RIN2: variants seen among roughly 807,000 people sequenced by gnomAD.
The protein encoded by RIN2 is RAB5 interacting protein 2.
RIN2 carries 36 observed loss-of-function variants against 78.0 expected under a neutral mutation model. That is an observed-to-expected ratio of 0.46 (90% CI 0.35 to 0.61). RIN2 has a LOEUF of 0.61. Among genes scored for constraint, RIN2 ranks in the 20% least tolerant of loss-of-function variants. RIN2 has a pLI of 0.00. For synonymous variants in RIN2, 466 were observed against 466.8 expected, an observed-to-expected ratio of 1.00 and a Z score of 0.02; for missense variants, 1,087 against 1,159.7, an observed-to-expected ratio of 0.94 and a Z score of 0.91.
intron 1 of RIN2, among the ~76,000 whole-genome samples, chr20:19,759,307 T>C (rs1312465319): frequency 3.3e-5 from 5 of 152,142 alleles, no homozygotes; most frequent in African/African-American, 9.7e-5. Context: ...TTTGGGCACA[T>C]TGGGGTTTCT....
Position 19,933,701 on chromosome 20 carries a change from T to C in RIN2, c.58-1398T>C, listed in dbSNP as rs562008260. ...CGCAAGTGAAGTTTCCCTCCCAGAG[T>C]CTGGGTGGGATAAAAGCTACCTGAG... is the stretch of plus-strand genomic sequence containing the variant. On this transcript the variant is annotated intron_variant, in intron 3 of 12. Coordinates refer to ENST00000255006, the MANE Select transcript of RIN2 (RefSeq NM_018993.4). Among the ~76,000 whole-genome samples the C allele has an allele frequency of 1.4e-4, 22 of 152,248 alleles. No individual in the cohort carries two copies. The East Asian group carries it at 4.2e-3, about 29-fold the overall frequency.
At position 19,889,098 on chromosome 20, in the gene RIN2, A is replaced by T. The variant is rs144021421; in HGVS notation, c.-36-468A>T. ...ATTTCTTCCCAGTGCCCTTCTGTTG[A>T]CCTTGCCTGGGGGAGAGGCCAGCAG... is the stretch of plus-strand genomic sequence containing the variant. On this transcript the variant is annotated intron_variant, in intron 2 of 12. Transcript: ENST00000255006. 840 of 984,696 alleles carry T rather than the reference A, an allele frequency of 8.5e-4. 9 individuals are homozygous for T. In the African/African-American group the frequency reaches 0.014, roughly 16 times the overall value. 61.0% of individuals were successfully genotyped at this position (984,696 alleles called of 1,614,324 possible).
intron 2 of RIN2, among the ~76,000 whole-genome samples, chr20:19,844,674 T>TTCCTCTTCC (rs2036712116): frequency 7.5e-5 from 5 of 67,048 alleles, no homozygotes; most frequent in African/African-American, 3.2e-4. Flanking sequence ...TTCTTCCTTC[T>TTCCTCTTCC]TCTTCTTCTT....
At chr20:19,971,039 T>A in intron 8 of RIN2, 110 bp downstream of exon 8, 2 of 789,962 alleles carry the variant, frequency 2.5e-6, no homozygotes, top group Admixed American at 2.4e-5. Context: ...AGCTTCTCCA[T>A]CAGTGAGTTT....
At chr20:19,995,477 C>T (rs1226923380) in intron 11 of RIN2, among the ~76,000 whole-genome samples, 1 of 152,068 alleles carries the variant, frequency 6.6e-6, no homozygotes, top group Non-Finnish European at 1.5e-5. Flanking sequence ...GGCTCTTCAG[C>T]GCAGAGACCA....
intron 1 of RIN2, among the ~76,000 whole-genome samples, chr20:19,783,021 C>T (rs13043586): frequency 4.6e-5 from 7 of 152,220 alleles, no homozygotes; most frequent in African/African-American, 1.7e-4. Context: ...TGTGACCCCA[C>T]CCAGGAATTC....
At chr20:19,762,542 G>C (rs1412334148) in intron 1 of RIN2, among the ~76,000 whole-genome samples, 1 of 152,150 alleles carries the variant, frequency 6.6e-6, no homozygotes, top group African/African-American at 2.4e-5. Flanking sequence ...AAACAGGGTG[G>C]TGTCACAGAA....
intron 7 of RIN2, among the ~76,000 whole-genome samples, chr20:19,965,363 C>T (rs1191702009): frequency 6.6e-6 from 1 of 152,156 alleles, no homozygotes; most frequent in African/African-American, 2.4e-5. Flanking sequence ...CACAGACACA[C>T]ATGCACACAC....
intron 3 of RIN2, among the ~76,000 whole-genome samples, chr20:19,922,145 C>T (rs1389484564): frequency 3.9e-5 from 6 of 152,186 alleles, no homozygotes; most frequent in Non-Finnish European, 8.8e-5. Flanking sequence ...GGATTACAGG[C>T]GTGAGCCACT....
intron 4 of RIN2, among the ~76,000 whole-genome samples, chr20:19,938,630 TG>T (rs1568634009): frequency 6.6e-6 from 1 of 152,208 alleles, no homozygotes; most frequent in African/African-American, 2.4e-5. Context: ...CTCATTAAAA[TG>T]GGAATAATAA....
intron 4 of RIN2, among the ~76,000 whole-genome samples, chr20:19,940,016 G>A (rs921156899): frequency 2.6e-5 from 4 of 151,968 alleles, no homozygotes; most frequent in Admixed American, 1.3e-4. Flanking sequence ...CACCACCACC[G>A]GCTAAGTTTT....
At position 19,974,827 on chromosome 20, in the gene RIN2, G is replaced by A. The variant is rs755520254; in HGVS notation, c.802G>A (p.Ala268Thr). The change falls in exon 9 of 13, where the codon GCC (alanine) becomes ACC (threonine). Residue 268 changes from alanine to threonine, a missense_variant. This residue lies in a region of RIN2 where 706 missense variants were observed against 667.5 expected (regional missense o/e 1.06). Transcript: ENST00000255006. ...SELECSQTNG[A>T]LCFINPLFLK... ...GCTGGAGTGCAGCCAGACCAACGGGGCCCTGTGCTTTATTAATCCCCTTTT... is the reference window on the plus strand; with the variant it reads ...GCTGGAGTGCAGCCAGACCAACGGGACCCTGTGCTTTATTAATCCCCTTTT... 1 of 1,613,966 alleles carries A rather than the reference G, an allele frequency of 6.2e-7. No individual in the cohort carries two copies. Among genetic ancestry groups the A allele is most frequent in the Non-Finnish European group, 8.5e-7 (1 of 1,179,894 alleles).
intron 1 of RIN2, among the ~76,000 whole-genome samples, chr20:19,764,922 T>TTTTTTTTTTTTTTTTTTTTA (rs2033813034): frequency 9.0e-6 from 1 of 111,362 alleles, no homozygotes; most frequent in Non-Finnish European, 1.9e-5. Context: ...TTCTGCGTTT[T>TTTTTTTTTTTTTTTTTTTTA]TTTTTTTTTT....
intron 1 of RIN2, among the ~76,000 whole-genome samples, chr20:19,767,837 A>G (rs2033952066): frequency 6.6e-6 from 1 of 151,626 alleles, no homozygotes; most frequent in Non-Finnish European, 1.5e-5. Flanking sequence ...AGGTAGGAGA[A>G]TCACTTGAAC....
intron 2 of RIN2, among the ~76,000 whole-genome samples, chr20:19,853,162 T>C (rs1007153217): frequency 6.6e-6 from 1 of 151,930 alleles, no homozygotes; most frequent in Non-Finnish European, 1.5e-5. Flanking sequence ...GATAGTTTGC[T>C]GAGAATGACG....
chr20:19,805,464 C>A (rs564697495), intron 2 of RIN2, among the ~76,000 whole-genome samples: 1 of 152,104 alleles, frequency 6.6e-6, no homozygotes, highest in East Asian at 1.9e-4. Context: ...TGCAGTGGTG[C>A]GATCTCGGCT....
chr20:19,884,317 C>T (rs1297957839), intron 2 of RIN2, among the ~76,000 whole-genome samples: 1 of 151,856 alleles, frequency 6.6e-6, no homozygotes, highest in Non-Finnish European at 1.5e-5. Flanking sequence ...CTCAGCTATT[C>T]GGGAGGCTGA....
intron 2 of RIN2, among the ~76,000 whole-genome samples, chr20:19,885,690 C>CA (rs578245984): frequency 0.025 from 3,328 of 132,490 alleles, 96 homozygotes; most frequent in African/African-American, 0.075. Context: ...AGCAAACAAA[C>CA]AAAAAAAAAA....
intron 3 of RIN2, among the ~76,000 whole-genome samples, chr20:19,912,570 C>T (rs561820438): frequency 8.6e-5 from 13 of 151,108 alleles, no homozygotes; most frequent in African/African-American, 2.7e-4. Context: ...CTTCCGCCTC[C>T]GGAGTTCAAA....
Sources: gnomAD v4.1 joint callset for allele counts (sites outside exome capture counted in the v4.1 genomes callset) on GRCh38, gnomAD v4.1.1 for gene constraint, gnomAD v4.1.1 regional missense constraint, MANE v1.5 for transcripts, NCBI Gene and HGNC (gene_info 2026-07-23, HGNC 2026-07-21) for gene names.